Variants in CHN2 observed in about 807,000 individuals in gnomAD.
CHN2 encodes beta-chimaerin.
Under a neutral mutation model 56.3 loss-of-function variants are expected in CHN2, and 35 were observed. That is an observed-to-expected ratio of 0.62 (90% CI 0.47 to 0.82). CHN2 has a LOEUF of 0.82. Among genes scored for constraint, CHN2 ranks in the 40% least tolerant of loss-of-function variants. CHN2 has a pLI of 0.00. For missense variants in CHN2, 491 were observed against 580.5 expected (o/e 0.85, Z 1.58); for synonymous variants, 210 against 212.8 (o/e 0.99, Z 0.12).
intron 2 of CHN2, among the ~76,000 whole-genome samples, chr7:29,364,640 G>A (rs182369225): frequency 1.3e-5 from 2 of 152,340 alleles, no homozygotes; most frequent in Admixed American, 6.5e-5. Flanking sequence ...AGGAGGGCAC[G>A]AGCTATACTG....
chr7:29,462,072 C>T (rs1562626483), intron 6 of CHN2, among the ~76,000 whole-genome samples: 1 of 152,106 alleles, frequency 6.6e-6, no homozygotes, highest in Non-Finnish European at 1.5e-5. Flanking sequence ...AAAATATAGT[C>T]ATTGTTTCAC....
At chr7:29,312,576 A>T (rs180826375) in intron 1 of CHN2, among the ~76,000 whole-genome samples, 2 of 152,332 alleles carry the variant, frequency 1.3e-5, no homozygotes, top group East Asian at 3.9e-4. Context: ...GTAACACAGC[A>T]GAGATTCAAA....
At chr7:29,279,877 A>G (rs561128726) in intron 1 of CHN2, among the ~76,000 whole-genome samples, 1 of 152,318 alleles carries the variant, frequency 6.6e-6, no homozygotes, top group Admixed American at 6.5e-5. Flanking sequence ...TGTTTTAGCA[A>G]AATGATTCTA....
chr7:29,494,998 T>C (rs1331882950), intron 7 of CHN2, among the ~76,000 whole-genome samples: 1 of 147,560 alleles, frequency 6.8e-6, no homozygotes, highest in Non-Finnish European at 1.5e-5. Context: ...ACATTTCTTT[T>C]GTTAATAGAG....
chr7:29,367,083 T>TC (rs1197524680), intron 2 of CHN2, among the ~76,000 whole-genome samples: 3 of 152,158 alleles, frequency 2.0e-5, no homozygotes, highest in Non-Finnish European at 4.4e-5. Context: ...ACTTTTTTTT[T>TC]CAACCTGTAT....
intron 1 of CHN2, among the ~76,000 whole-genome samples, chr7:29,347,636 T>G (rs1562535262): frequency 1.3e-5 from 2 of 151,958 alleles, no homozygotes; most frequent in East Asian, 3.9e-4. Flanking sequence ...CCTACCGGGG[T>G]CCCTCCCTCA....
intron 1 of CHN2, among the ~76,000 whole-genome samples, chr7:29,253,901 T>C (rs1788844002): frequency 6.6e-6 from 1 of 152,164 alleles, no homozygotes; most frequent in African/African-American, 2.4e-5. Flanking sequence ...TAAATAAATG[T>C]AGCTATTTTT....
intron 1 of CHN2, among the ~76,000 whole-genome samples, chr7:29,226,969 C>A (rs1472960623): frequency 6.6e-6 from 1 of 152,218 alleles, no homozygotes; most frequent in African/African-American, 2.4e-5. Flanking sequence ...TACACACACA[C>A]AGTTCCTGTC....
At chr7:29,149,296 G>A (rs1391570216) in intron 2 of CHN2, among the ~76,000 whole-genome samples, 4 of 147,672 alleles carry the variant, frequency 2.7e-5, no homozygotes, top group Non-Finnish European at 5.9e-5. Flanking sequence ...GGGTTCAAGC[G>A]ATTCCCTGCT....
chr7:29,292,706 T>C, intron 1 of CHN2: 1 of 330,302 alleles, frequency 3.0e-6, no homozygotes, highest in Non-Finnish European at 6.0e-6. Flanking sequence ...TTCAATGCTG[T>C]AATAACATCT....
intron 9 of CHN2, 76 bp downstream of exon 9, chr7:29,500,116 CAG>C (rs1789793553): frequency 8.5e-7 from 1 of 1,173,434 alleles, no homozygotes; most frequent in African/African-American, 1.6e-5. Context: ...GTCAAGGAAA[CAG>C]AGTTGCTCTA....
intron 6 of CHN2, among the ~76,000 whole-genome samples, chr7:29,432,478 C>T (rs1221141850): frequency 2.6e-5 from 4 of 152,200 alleles, no homozygotes; most frequent in Non-Finnish European, 5.9e-5. Context: ...CTGATCAGGG[C>T]AACCCAGAAA....
intron 1 of CHN2, among the ~76,000 whole-genome samples, chr7:29,327,783 G>C (rs1056940290): frequency 1.3e-5 from 2 of 152,190 alleles, no homozygotes; most frequent in Non-Finnish European, 1.5e-5. Flanking sequence ...CCTACAACTT[G>C]ACACATTTAA....
In CHN2 at chr7:29,509,332, C is replaced by T. The variant is rs367881188; in HGVS notation, c.1161C>T (p.Ala387=). 97 of 1,613,918 alleles carry T rather than the reference C, an allele frequency of 6.0e-5. No individual in the cohort carries two copies. The highest frequency in any genetic ancestry group is 1.6e-4 in the South Asian group (15 of 91,070). Residue 387 remains alanine (A), a synonymous_variant, in exon 12 of 13, where the codon GCC becomes GCT. Coordinates refer to ENST00000222792, the MANE Select transcript of CHN2 (RefSeq NM_004067.4). ...KISNADERLE[A]VHEVLMLLPP... is the part of the protein sequence containing the mutation. ...CCAATGCAGATGAGAGGCTGGAAGC[C>T]GTCCATGAAGTGCTGATGCTGCTGC...
chr7:29,448,232 C>T (rs754524285), intron 6 of CHN2, among the ~76,000 whole-genome samples: 1 of 151,602 alleles, frequency 6.6e-6, no homozygotes, highest in Non-Finnish European at 1.5e-5. Flanking sequence ...GATTTTGATA[C>T]CTCTTTCCTT....
intron 1 of CHN2, among the ~76,000 whole-genome samples, chr7:29,272,275 G>A (rs971521279): frequency 6.6e-6 from 1 of 152,146 alleles, no homozygotes; most frequent in Admixed American, 6.5e-5. Flanking sequence ...GCCTACAGAA[G>A]TGCATCTATC....
chr7:29,367,994 G>T lies in CHN2; in HGVS notation c.144+7G>T. The T allele has an allele frequency of 6.2e-7, 1 of 1,607,984 alleles. No individual in the cohort carries two copies. Among genetic ancestry groups the T allele is most frequent in the Non-Finnish European group, 8.5e-7 (1 of 1,177,214 alleles). On this transcript the variant is annotated splice_region_variant and intron_variant, in intron 3 of 12. Transcript: ENST00000222792. ...AATCATTTGTCCTCGGGAGGTCAGT[G>T]CTCAGCTATTTCCAATACACCTTGT...
intron 6 of CHN2, among the ~76,000 whole-genome samples, chr7:29,433,381 A>G (rs1232359388): frequency 6.6e-6 from 1 of 152,256 alleles, no homozygotes; most frequent in Admixed American, 6.5e-5. Flanking sequence ...AAGGTCACGG[A>G]GTAGGAAGTA....
intron 6 of CHN2, chr7:29,445,162 A>G (rs1262126414): frequency 2.2e-6 from 1 of 456,026 alleles, no homozygotes; most frequent in Non-Finnish European, 4.4e-6. Context: ...CCACCAGTAC[A>G]TGTAAGTAGA....
Sources: allele counts gnomAD v4.1 joint callset (sites outside exome capture counted in the v4.1 genomes callset), GRCh38; gene constraint gnomAD v4.1.1; transcripts MANE v1.5; gene names NCBI Gene and HGNC (gene_info 2026-07-23, HGNC 2026-07-21).